PRTG: variants seen among roughly 807,000 people sequenced by gnomAD.
PRTG encodes protogenin.
PRTG carries 67 observed loss-of-function variants against 122.5 expected under a neutral mutation model. The observed-to-expected ratio is 0.55, with a 90% CI of 0.45 to 0.67. The LOEUF is 0.67. PRTG is among the 30% of genes least tolerant of loss of function. The pLI is 0.00. For synonymous variants in PRTG, 554 were observed against 501.1 expected (o/e 1.11, Z -1.41); for missense variants, 1,435 against 1,415.4 (o/e 1.01, Z -0.22).
At chr15:55,660,254 T>A (rs56233400) in intron 11 of PRTG, among the ~76,000 whole-genome samples, 12,310 of 152,210 alleles carry the variant, frequency 0.081, 549 homozygotes, top group Non-Finnish European at 0.11. Flanking sequence ...TTTAAGAAAC[T>A]TTAAACCAAA....
At chr15:55,720,866 G>A (rs1245116108) in intron 2 of PRTG, among the ~76,000 whole-genome samples, 2 of 152,114 alleles carry the variant, frequency 1.3e-5, no homozygotes, top group African/African-American at 4.8e-5. Flanking sequence ...TGCATTCAAG[G>A]CTGTCCTGGG....
intron 19 of PRTG, 36 bp downstream of exon 19, chr15:55,620,627 G>A (rs950377713): frequency 4.5e-6 from 7 of 1,555,700 alleles, no homozygotes; most frequent in Admixed American, 2.2e-5. Context: ...CATATATCAC[G>A]CATTGCCAAA....
At chr15:55,627,281 CTT>C (rs2059200111) in intron 16 of PRTG, among the ~76,000 whole-genome samples, 153 bp from the exon 17 acceptor site, 1 of 151,220 alleles carries the variant, frequency 6.6e-6, no homozygotes, top group Non-Finnish European at 1.5e-5. Context: ...ACACAGTAAT[CTT>C]TAATCAGTGA....
chr15:55,639,099 G>T (rs1242872973), intron 13 of PRTG, among the ~76,000 whole-genome samples: 2 of 152,092 alleles, frequency 1.3e-5, no homozygotes, highest in African/African-American at 4.8e-5. Flanking sequence ...AGCTTCCCAA[G>T]TAGCCAGGAC....
At chr15:55,724,053 T>G (rs1282130261) in intron 2 of PRTG, among the ~76,000 whole-genome samples, 1 of 152,178 alleles carries the variant, frequency 6.6e-6, no homozygotes, top group African/African-American at 2.4e-5. Flanking sequence ...GCCTGGCTGA[T>G]TTTAATCTTT....
chr15:55,689,576 A>G (rs2059588832), intron 2 of PRTG, among the ~76,000 whole-genome samples: 1 of 151,492 alleles, frequency 6.6e-6, no homozygotes, highest in African/African-American at 2.4e-5. Context: ...ACATAGGCAC[A>G]TGTATACCTA....
intron 2 of PRTG, among the ~76,000 whole-genome samples, chr15:55,709,772 G>C (rs1476562623): frequency 6.6e-6 from 1 of 152,126 alleles, no homozygotes; most frequent in African/African-American, 2.4e-5. Flanking sequence ...ACAAACAAAC[G>C]AGTACATATT....
At chr15:55,664,941 T>A (rs1199768408) in intron 11 of PRTG, among the ~76,000 whole-genome samples, 2 of 151,716 alleles carry the variant, frequency 1.3e-5, no homozygotes, top group Non-Finnish European at 2.9e-5. Flanking sequence ...TCACGAGGAG[T>A]TAGGTGACGT....
In PRTG at chr15:55,677,982, T is replaced by C. The variant is rs976529291; in HGVS notation, c.1196A>G (p.Asn399Ser). Residue 399 changes from asparagine to serine, a missense_variant, in exon 8 of 20, where the codon AAT becomes AGT. Coordinates refer to ENST00000389286, the MANE Select transcript of PRTG (RefSeq NM_173814.6). The part of the protein sequence containing the change: ...DDAIYQCMAE[N>S]SQGSILSRAR... ...TCTAGATAAAATAGATCCTTGGCTA[T>C]TCTCAGCCATGCACTGATAAATAGC... 2.5e-6 allele frequency: 4 copies of C among 1,608,938 alleles called. No homozygotes were observed. The highest frequency in any genetic ancestry group is 1.1e-5 in the South Asian group (1 of 90,978).
intron 17 of PRTG, among the ~76,000 whole-genome samples, chr15:55,625,717 G>A (rs1050055860): frequency 5.4e-5 from 8 of 147,896 alleles, no homozygotes; most frequent in Non-Finnish European, 9.0e-5. Context: ...TCCCCCTCCC[G>A]GGTTCATGCC....
chr15:55,653,604 C>G (rs1567084675), intron 11 of PRTG, among the ~76,000 whole-genome samples: 3 of 152,010 alleles, frequency 2.0e-5, no homozygotes, highest in African/African-American at 7.3e-5. Flanking sequence ...GCTGGGATTA[C>G]AGGTATGTCC....
chr15:55,732,412 T>G (rs1408026538), intron 2 of PRTG, among the ~76,000 whole-genome samples: 4 of 151,172 alleles, frequency 2.6e-5, no homozygotes, highest in Non-Finnish European at 2.9e-5. Context: ...CTCGAACTCC[T>G]GACCTCAACT....
chr15:55,717,142 G>T (rs1264343958), intron 2 of PRTG, among the ~76,000 whole-genome samples: 1 of 152,044 alleles, frequency 6.6e-6, no homozygotes, highest in Non-Finnish European at 1.5e-5. Context: ...GCTTTTATTG[G>T]AGAATAAAAC....
intron 11 of PRTG, among the ~76,000 whole-genome samples, chr15:55,669,252 G>C (rs2059455090): frequency 6.6e-6 from 1 of 152,026 alleles, no homozygotes; most frequent in South Asian, 2.1e-4. Flanking sequence ...TACTCAAATT[G>C]ACATTGAATC....
chr15:55,675,552 A>C lies in PRTG; in HGVS notation c.1513T>G (p.Ser505Ala). Residue 505 changes from serine to alanine, a missense_variant, in exon 9 of 20, where the codon TCT becomes GCT. Physicochemically the swap from Ser to Ala is moderately conservative, Grantham distance 99. Coordinates refer to ENST00000389286, the MANE Select transcript of PRTG (RefSeq NM_173814.6). ...AGAGTATTCTGTGTCACATGGTCAG[A>C]CATCTGGCTGGCTCCCATTGGCATA... is the stretch of plus-strand genomic sequence containing the variant. ...AYMPMGASQM[S>A]DHVTQNTLED... 1 of 1,612,422 alleles carries C rather than the reference A, an allele frequency of 6.2e-7. No individual in the cohort carries two copies. Among genetic ancestry groups the C allele is most frequent in the Non-Finnish European group, 8.5e-7 (1 of 1,178,898 alleles).
intron 2 of PRTG, among the ~76,000 whole-genome samples, chr15:55,688,912 G>A (rs1228069626): frequency 1.3e-5 from 2 of 152,190 alleles, no homozygotes; most frequent in Admixed American, 1.3e-4. Flanking sequence ...TTCCAAAGCT[G>A]TATCTCTGCT....
intron 2 of PRTG, among the ~76,000 whole-genome samples, chr15:55,723,369 C>T (rs1257395188): frequency 6.9e-5 from 10 of 144,686 alleles, no homozygotes; most frequent in Non-Finnish European, 1.2e-4. Flanking sequence ...AAACAGAAAC[C>T]ATAAGGGAAG....
At chr15:55,666,328 G>C (rs900998946) in intron 11 of PRTG, among the ~76,000 whole-genome samples, 3 of 152,140 alleles carry the variant, frequency 2.0e-5, no homozygotes, top group Non-Finnish European at 4.4e-5. Flanking sequence ...TTAACCTTCA[G>C]CATCTATCTT....
At chr15:55,627,322 TAAAG>T (rs2059200461) in intron 16 of PRTG, among the ~76,000 whole-genome samples, 194 bp from the exon 17 acceptor site, 3 of 144,488 alleles carry the variant, frequency 2.1e-5, no homozygotes, top group African/African-American at 7.6e-5. Flanking sequence ...CTTCCAATAT[TAAAG>T]TTTTTTTTTT....
Sources: gnomAD v4.1 joint callset for allele counts (sites outside exome capture counted in the v4.1 genomes callset) on GRCh38, gnomAD v4.1.1 for gene constraint, MANE v1.5 for transcripts, NCBI Gene and HGNC (gene_info 2026-07-23, HGNC 2026-07-21) for gene names.